The following PTPN7 variants were observed in gnomAD, a reference collection of about 807,000 sequenced individuals.
PTPN7 encodes the protein tyrosine-protein phosphatase non-receptor type 7.
In PTPN7, 33 loss-of-function variants were observed where a neutral mutation model predicts 50.3. The observed-to-expected ratio is 0.66, with a 90% confidence interval of 0.50 to 0.88. PTPN7 has a LOEUF of 0.88. PTPN7 is among the 40% of genes least tolerant of loss of function. The pLI is 0.00. For missense variants in PTPN7, 412 were observed against 475.4 expected (o/e 0.87, Z 1.24); for synonymous variants, 185 against 186.6 (o/e 0.99, Z 0.07).
chr1:202,148,539 T>C lies in PTPN7; in HGVS notation c.*67A>G, dbSNP rs1338342700. 8.2e-6 allele frequency: 12 copies of C among 1,468,088 alleles called. No individual in the cohort carries two copies. Among genetic ancestry groups the C allele is most frequent in the Non-Finnish European group, 1.1e-5 (12 of 1,058,902 alleles). The allele number at this position is 1,468,088 out of a possible 1,614,324, so 90.9% of individuals were successfully genotyped here. A position where few individuals can be genotyped will look rare whatever the true frequency, so the allele number is the denominator to read the frequency against. ...GGTACCCCCAGATCACTCGGCCCAC[T>C]TTCCCCAGACCCACCTTCCCAGGCT... is the stretch of plus-strand genomic sequence containing the variant. On this transcript the variant is annotated 3_prime_UTR_variant, in exon 10 of 10. Transcript: ENST00000691036.
chr1:202,148,719 G>T lies in PTPN7; in HGVS notation c.990-20C>A, dbSNP rs967202389. On this transcript the variant is annotated intron_variant, in intron 9 of 9. Coordinates refer to ENST00000691036, the MANE Select transcript of PTPN7 (RefSeq NM_002832.4). Reference sequence around the variant, plus strand: ...CCCCCTCTGCAAGGAGAAACACACAGACCATGAGTGAAGGAGGGTCAGGGT... The same window carrying T: ...CCCCCTCTGCAAGGAGAAACACACATACCATGAGTGAAGGAGGGTCAGGGT... 1 of 1,607,364 alleles carries T rather than the reference G, an allele frequency of 6.2e-7. No individual in the cohort carries two copies. The highest frequency in any genetic ancestry group is 1.3e-5 in the African/African-American group (1 of 74,726).
Position 202,148,511 on chromosome 1 carries a change from A to T in PTPN7, c.*95T>A. 8.7e-7 allele frequency: 1 copy of T among 1,146,684 alleles called. No individual in the cohort carries two copies. Among genetic ancestry groups the T allele is most frequent in the Non-Finnish European group, 1.3e-6 (1 of 798,324 alleles). 71.0% of individuals were successfully genotyped at this position (1,146,684 alleles called of 1,614,324 possible). A position where few individuals can be genotyped will look rare whatever the true frequency, so the allele number is the denominator to read the frequency against. Reference sequence around the variant, plus strand: ...GGCACTCCTTCCCCACACCAACCCAAGGGGTACCCCCAGATCACTCGGCCC... The same window carrying T: ...GGCACTCCTTCCCCACACCAACCCATGGGGTACCCCCAGATCACTCGGCCC... On this transcript the variant is annotated 3_prime_UTR_variant, in exon 10 of 10. Transcript: ENST00000691036.
In PTPN7 at chr1:202,147,155, C is replaced by G. The variant is rs1558309854; in HGVS notation, c.*1451G>C. ...GCAGTTGCTTCCCTCTGGGCTGGCT[C>G]TGAGCCCAGGGCAGGATCAGGCACT... On this transcript the variant is annotated 3_prime_UTR_variant, in exon 10 of 10. Transcript: ENST00000691036. The G allele has an allele frequency of 1.3e-5, 2 of 152,036 alleles. No homozygotes were observed. Among genetic ancestry groups the G allele is most frequent in the Non-Finnish European group, 2.9e-5 (2 of 68,088 alleles). 9.4% of individuals were successfully genotyped at this position (152,036 alleles called of 1,614,324 possible).
upstream of PTPN7, chr1:202,161,360 A>T (rs1657356761): frequency 1.6e-6 from 2 of 1,227,998 alleles, no homozygotes; most frequent in African/African-American, 3.1e-5. Context: ...TCCTCCCAGA[A>T]CCCTGACATC....
rs562872935 is a variant in PTPN7, at chr1:202,159,562, G to C, written c.-52-108C>G. On this transcript the variant is annotated intron_variant, in intron 1 of 9. Transcript: ENST00000691036. The surrounding 1 kb of genome is among the most constrained non-coding windows in gnomAD (Gnocchi z 4.6). ...CTCTGTTTTCACTGGGGCGTCTTCT[G>C]TTCCCCAAGAGGTGGCCTCATTTTC... The C allele has an allele frequency of 6.6e-7, 1 of 1,504,020 alleles. No individual in the cohort carries two copies. The highest frequency in any genetic ancestry group is 1.4e-5 in the African/African-American group (1 of 71,978). The allele number at this position is 1,504,020 out of a possible 1,614,324, so 93.2% of individuals were successfully genotyped here.
At position 202,148,531 on chromosome 1, in the gene PTPN7, C is replaced by T. The variant is rs530202787; in HGVS notation, c.*75G>A. 216 of 1,369,076 alleles carry T rather than the reference C, an allele frequency of 1.6e-4. No homozygotes were observed. Among genetic ancestry groups the T allele is most frequent in the Middle Eastern group, 1.1e-3 (6 of 5,242 alleles). The allele number at this position is 1,369,076 out of a possible 1,614,324, so 84.8% of individuals were successfully genotyped here. ...ACCCAAGGGGTACCCCCAGATCACT[C>T]GGCCCACTTTCCCCAGACCCACCTT... On this transcript the variant is annotated 3_prime_UTR_variant, in exon 10 of 10. Transcript: ENST00000691036.
chr1:202,155,699 G>T, intron 4 of PTPN7, 90 bp from the exon 5 acceptor site: 1 of 1,119,746 alleles, frequency 8.9e-7, no homozygotes, highest in Non-Finnish European at 1.3e-6. Flanking sequence ...GAGTTCCTGT[G>T]CTCATCACAG....
chr1:202,159,874 A>G lies in PTPN7; in HGVS notation c.-52-420T>C. On this transcript the variant is annotated intron_variant, in intron 1 of 9. Transcript: ENST00000691036. The surrounding 1 kb of genome is among the most constrained non-coding windows in gnomAD (Gnocchi z 4.6). Reference sequence around the variant, plus strand: ...CTAACCAGTGGGCCTTCCCCTGAACAGAGAATGGAGGCCTCCAGCAGTGTT... The same window carrying G: ...CTAACCAGTGGGCCTTCCCCTGAACGGAGAATGGAGGCCTCCAGCAGTGTT... 6 of 1,035,878 alleles carry G rather than the reference A, an allele frequency of 5.8e-6. No individual in the cohort carries two copies. The highest frequency in any genetic ancestry group is 7.0e-6 in the Non-Finnish European group (6 of 861,840). 64.2% of individuals were successfully genotyped at this position (1,035,878 alleles called of 1,614,324 possible). A position where few individuals can be genotyped will look rare whatever the true frequency, so the allele number is the denominator to read the frequency against.
intron 9 of PTPN7, among the ~76,000 whole-genome samples, 181 bp from the exon 10 acceptor site, chr1:202,148,880 G>A (rs1314359428): frequency 1.0e-5 from 1 of 99,934 alleles, no homozygotes; most frequent in African/African-American, 4.1e-5. Context: ...TTGTGAGACA[G>A]AGTCTCACTC....
At chr1:202,150,202 C>A in intron 9 of PTPN7, 109 bp downstream of exon 9, 1 of 838,578 alleles carries the variant, frequency 1.2e-6, no homozygotes. Context: ...GGGTTTCTTC[C>A]TTTCTTGCAG....
chr1:202,148,549 C>T lies in PTPN7; in HGVS notation c.*57G>A. 6.6e-7 allele frequency: 1 copy of T among 1,524,388 alleles called. No homozygotes were observed. Among genetic ancestry groups the T allele is most frequent in the Non-Finnish European group, 9.1e-7 (1 of 1,104,964 alleles). 94.4% of individuals were successfully genotyped at this position (1,524,388 alleles called of 1,614,324 possible). ...GATCACTCGGCCCACTTTCCCCAGA[C>T]CCACCTTCCCAGGCTTGAGGGAGGT... is the stretch of plus-strand genomic sequence containing the variant. On this transcript the variant is annotated 3_prime_UTR_variant, in exon 10 of 10. Coordinates refer to ENST00000691036, the MANE Select transcript of PTPN7 (RefSeq NM_002832.4).
chr1:202,159,940 C>T lies in PTPN7; in HGVS notation c.-52-486G>A. The T allele has an allele frequency of 2.0e-6, 2 of 1,006,494 alleles. No individual in the cohort carries two copies. Among genetic ancestry groups the T allele is most frequent in the South Asian group, 4.4e-5 (1 of 22,772 alleles). The allele number at this position is 1,006,494 out of a possible 1,614,324, so 62.3% of individuals were successfully genotyped here. On this transcript the variant is annotated intron_variant, in intron 1 of 9. Coordinates refer to ENST00000691036, the MANE Select transcript of PTPN7 (RefSeq NM_002832.4). This position sits in a 1 kb window ranked among gnomAD's most constrained non-coding sequence, Gnocchi z 4.6. ...GCCAGGCAGGCGGGCTCCTGGACCC[C>T]AGCAGGGTCCTCTCCTAACTGCTGC...
intron 3 of PTPN7, 142 bp downstream of exon 3, chr1:202,157,976 A>G: frequency 8.0e-7 from 1 of 1,244,318 alleles, no homozygotes; most frequent in South Asian, 1.5e-5. Context: ...GCCTGGGGGC[A>G]GCCCCTCCCT....
In PTPN7 at chr1:202,159,865, C is replaced by A; in HGVS notation, c.-52-411G>T. 2.9e-6 allele frequency: 3 copies of A among 1,046,498 alleles called. No homozygotes were observed. Among genetic ancestry groups the A allele is most frequent in the African/African-American group, 3.4e-5 (2 of 59,554 alleles). 64.8% of individuals were successfully genotyped at this position (1,046,498 alleles called of 1,614,324 possible). A position where few individuals can be genotyped will look rare whatever the true frequency, so the allele number is the denominator to read the frequency against. Reference sequence around the variant, plus strand: ...ATCTCTGAGCTAACCAGTGGGCCTTCCCCTGAACAGAGAATGGAGGCCTCC... The same window carrying A: ...ATCTCTGAGCTAACCAGTGGGCCTTACCCTGAACAGAGAATGGAGGCCTCC... On this transcript the variant is annotated intron_variant, in intron 1 of 9. Coordinates refer to ENST00000691036, the MANE Select transcript of PTPN7 (RefSeq NM_002832.4). The surrounding 1 kb of genome is among the most constrained non-coding windows in gnomAD (Gnocchi z 4.6).
chr1:202,155,392 G>T, intron 5 of PTPN7, 141 bp downstream of exon 5: 2 of 805,588 alleles, frequency 2.5e-6, no homozygotes, highest in Non-Finnish European at 2.0e-6. Context: ...AGCCCAGCTT[G>T]GTAGGGCTAT....
At chr1:202,160,899 C>A (rs2147858866), upstream of PTPN7, 1 of 1,456,514 alleles carries the variant, frequency 6.9e-7, no homozygotes, top group East Asian at 2.5e-5. This position sits in a 1 kb window ranked among gnomAD's most constrained non-coding sequence, Gnocchi z 4.8. Context: ...TTGCTGGGCA[C>A]AGCTCGCCTG....
At chr1:202,152,395 C>T in intron 8 of PTPN7, 147 bp downstream of exon 8, 2 of 951,754 alleles carry the variant, frequency 2.1e-6, no homozygotes, top group Non-Finnish European at 1.5e-6. Flanking sequence ...AAGAACAGAG[C>T]CCTTGCTGAA....
At chr1:202,154,159 A>T (rs1656375922) in intron 6 of PTPN7, 27 bp downstream of exon 6, 1 of 1,613,414 alleles carries the variant, frequency 6.2e-7, no homozygotes, top group Non-Finnish European at 8.5e-7. Flanking sequence ...TTCTGGGTTC[A>T]TCATGAACTG....
rs372188224 is a variant in PTPN7 at position 202,160,448 on chromosome 1, G to A, written c.-53+97C>T. ...AGCCAGGCACTGTGGCGCCCCACTCGCCCTCCCGCACTCCCTCCTAGAGAT... is the reference window on the plus strand; with the variant it reads ...AGCCAGGCACTGTGGCGCCCCACTCACCCTCCCGCACTCCCTCCTAGAGAT... On this transcript the variant is annotated intron_variant, in intron 1 of 9. Transcript: ENST00000691036. This position sits in a 1 kb window ranked among gnomAD's most constrained non-coding sequence, Gnocchi z 4.8. 1.9e-4 allele frequency: 242 copies of A among 1,267,894 alleles called. 1 individual carries two copies. Among genetic ancestry groups the A allele is most frequent in the East Asian group, 3.8e-4 (15 of 39,110 alleles). 78.5% of individuals were successfully genotyped at this position (1,267,894 alleles called of 1,614,324 possible).
Sources: allele counts gnomAD v4.1 joint callset (sites outside exome capture counted in the v4.1 genomes callset), GRCh38; gene constraint gnomAD v4.1.1; non-coding constraint Gnocchi (gnomAD v3.1); transcripts MANE v1.5; gene names NCBI Gene and HGNC (gene_info 2026-07-23, HGNC 2026-07-21).